Variants in CDK12 observed in about 807,000 individuals in gnomAD.
CDK12 encodes the protein cyclin dependent kinase 12.
A neutral mutation model predicts 133.8 loss-of-function variants in CDK12; 17 were observed. The observed-to-expected ratio is 0.13, with a 90% CI of 0.09 to 0.19. The LOEUF is 0.19. Among genes scored for constraint, CDK12 ranks in the 10% least tolerant of loss-of-function variants. The probability of loss-of-function intolerance (pLI) is 1.00; values close to 1 mark genes in which losing one functional copy is unlikely to be tolerated. For missense variants in CDK12, 1,508 were observed against 1,818.7 expected (o/e 0.83, Z 3.11); for synonymous variants, 694 against 683.6 (o/e 1.02, Z -0.24).
At chr17:39,485,476 C>T (rs2051049543) in intron 2 of CDK12, among the ~76,000 whole-genome samples, 1 of 135,744 alleles carries the variant, frequency 7.4e-6, no homozygotes, top group Non-Finnish European at 1.5e-5. Flanking sequence ...TGCAGTGGCT[C>T]AATCTCAGCT....
chr17:39,514,012 A>G (rs1313322998), intron 8 of CDK12, among the ~76,000 whole-genome samples: 1 of 152,116 alleles, frequency 6.6e-6, no homozygotes, highest in Non-Finnish European at 1.5e-5. Context: ...ACAACATTGC[A>G]CTTAGAACTT....
chr17:39,562,902 C>CTTTTT (rs59852699), intron 3 of CDK12, among the ~76,000 whole-genome samples: 13 of 92,374 alleles, frequency 1.4e-4, no homozygotes, highest in East Asian at 6.5e-4. Context: ...TTTTTCTTTT[C>CTTTTT]TTTTTTTTTT....
chr17:39,530,457 A>G, intron 13 of CDK12, 147 bp from the exon 14 acceptor site: 1 of 1,169,664 alleles, frequency 8.5e-7, no homozygotes, highest in Non-Finnish European at 1.2e-6. Context: ...TTTATTTATA[A>G]TTGCAATTTT....
chr17:39,462,605 G>A lies in CDK12; in HGVS notation c.534G>A (p.Lys178=), dbSNP rs1597893938. ...KSSSKESRSS[K]LHKEKTRKER... Reference sequence around the variant, plus strand: ...GCAGCAAGGAATCCAGGTCATCCAAGCTCCACAAGGAGAAGACCAGGAAAG... The same window carrying A: ...GCAGCAAGGAATCCAGGTCATCCAAACTCCACAAGGAGAAGACCAGGAAAG... The change falls in exon 1 of 14, where the codon AAG becomes AAA. Residue 178 remains lysine (K), a synonymous_variant. Transcript: ENST00000447079. 1 of 1,614,116 alleles carries A rather than the reference G, an allele frequency of 6.2e-7. No individual in the cohort carries two copies. The highest frequency in any genetic ancestry group is 1.1e-5 in the South Asian group (1 of 91,082).
intron 3 of CDK12, chr17:39,564,625 T>C (rs1005820433): frequency 6.6e-6 from 1 of 152,236 alleles, no homozygotes; most frequent in African/African-American, 2.4e-5. Flanking sequence ...TAGAGACCTG[T>C]TGCTTAGCAA....
chr17:39,564,752 T>A (rs959142890), intron 3 of CDK12: 13 of 152,208 alleles, frequency 8.5e-5, no homozygotes, highest in Non-Finnish European at 1.6e-4. Flanking sequence ...TGTCTTGGGT[T>A]CCCTTAGCAC....
intron 10 of CDK12, 152 bp from the exon 11 acceptor site, chr17:39,519,804 C>T (rs2054056308): frequency 1.5e-6 from 1 of 660,574 alleles, no homozygotes; most frequent in Non-Finnish European, 2.6e-6. Flanking sequence ...AGTATGTTGC[C>T]CAGGTTGATC....
chr17:39,561,113 G>A (rs2056358013), intron 3 of CDK12, among the ~76,000 whole-genome samples: 1 of 152,210 alleles, frequency 6.6e-6, no homozygotes, highest in Non-Finnish European at 1.5e-5. Context: ...AGTGAATGGT[G>A]CGCCTGAGCA....
intron 2 of CDK12, among the ~76,000 whole-genome samples, chr17:39,551,521 T>G (rs763814532): frequency 3.3e-5 from 5 of 152,152 alleles, no homozygotes; most frequent in Non-Finnish European, 5.9e-5. Context: ...CATATTTCCC[T>G]GCTGCAATAT....
At position 39,462,981 on chromosome 17, in the gene CDK12, C is replaced by A. The variant is rs1597895426; in HGVS notation, c.910C>A (p.Pro304Thr). The change falls in exon 1 of 14, where the codon CCC becomes ACC. Residue 304 changes from proline (P) to threonine (T), a missense_variant. Physicochemically the swap from Pro to Thr is conservative, Grantham distance 38. Coordinates refer to ENST00000447079, the MANE Select transcript of CDK12 (RefSeq NM_016507.4). The stretch of plus-strand genomic sequence containing the variant: ...CAGTAGGCGACAGAGATCTGTCAGT[C>A]CCTATAGCAGGAGACGGTCGTCCAG... ...PYSRRQRSVS[P>T]YSRRRSSSYE... 1 of 1,614,172 alleles carries A rather than the reference C, an allele frequency of 6.2e-7. No homozygotes were observed. Among genetic ancestry groups the A allele is most frequent in the South Asian group, 1.1e-5 (1 of 91,068 alleles).
At chr17:39,534,925 C>T (rs757004734), downstream of CDK12, 1 of 152,284 alleles carries the variant, frequency 6.6e-6, no homozygotes, top group Non-Finnish European at 1.5e-5. Context: ...TGTTTAGACC[C>T]AAAGGATAGT....
rs776908131 is a variant in CDK12 at position 39,471,440 on chromosome 17, A to T, written c.1608A>T (p.Pro536=). The T allele has an allele frequency of 7.8e-7, 1 of 1,281,652 alleles. No individual in the cohort carries two copies. Among genetic ancestry groups the T allele is most frequent in the Non-Finnish European group, 1.0e-6 (1 of 964,482 alleles). The allele number at this position is 1,281,652 out of a possible 1,614,324, so 79.4% of individuals were successfully genotyped here. A position where few individuals can be genotyped will look rare whatever the true frequency, so the allele number is the denominator to read the frequency against. ...CTCTTCCCACAATTGCTTCTCCCCC[A>T]CCCCCTCTACCAACTACTACCCCTC... ...PPPLPTIASP[P]PPLPTTTPPP... Residue 536 remains proline (P), a synonymous_variant, in exon 2 of 14, where the codon CCA becomes CCT. Transcript: ENST00000447079.
Position 39,531,909 on chromosome 17 carries a change from T to C in CDK12, c.*593T>C. The C allele has an allele frequency of 4.3e-6, 1 of 233,902 alleles. No homozygotes were observed. The highest frequency in any genetic ancestry group is 8.5e-6 in the Non-Finnish European group (1 of 118,084). The allele number at this position is 233,902 out of a possible 1,614,324, so 14.5% of individuals were successfully genotyped here. Reference sequence around the variant, plus strand: ...ATTTTGCTTTTAAGTGAACACTTTTTCCCCATTGAGCATCTTGAACATACT... The same window carrying C: ...ATTTTGCTTTTAAGTGAACACTTTTCCCCCATTGAGCATCTTGAACATACT... On this transcript the variant is annotated 3_prime_UTR_variant, in exon 14 of 14. Coordinates refer to ENST00000447079, the MANE Select transcript of CDK12 (RefSeq NM_016507.4).
intron 11 of CDK12, among the ~76,000 whole-genome samples, chr17:39,524,458 A>G (rs1035045536): frequency 3.9e-5 from 6 of 152,190 alleles, no homozygotes; most frequent in South Asian, 2.1e-4. Context: ...CTTTCTCACT[A>G]TGTAACTTTC....
intron 1 of CDK12, among the ~76,000 whole-genome samples, chr17:39,468,734 GA>G (rs1266993114): frequency 2.0e-5 from 3 of 151,704 alleles, no homozygotes; most frequent in Non-Finnish European, 2.9e-5. Flanking sequence ...CTCAGCCTCC[GA>G]AAGTGTTGGG....
chr17:39,518,154 T>C (rs1311035226), intron 10 of CDK12, among the ~76,000 whole-genome samples: 1 of 152,052 alleles, frequency 6.6e-6, no homozygotes, highest in African/African-American at 2.4e-5. Flanking sequence ...AATTTTTGTA[T>C]TTTTAGTAGA....
intron 2 of CDK12, among the ~76,000 whole-genome samples, chr17:39,554,124 A>C (rs745937730): frequency 6.6e-6 from 1 of 152,176 alleles, no homozygotes; most frequent in Non-Finnish European, 1.5e-5. Context: ...GGCACTTTCC[A>C]GAAGAGGGGT....
chr17:39,492,631 G>A (rs529479261), intron 3 of CDK12, 120 bp from the exon 4 acceptor site: 61 of 578,186 alleles, frequency 1.1e-4, no homozygotes, highest in Non-Finnish European at 1.6e-4. Context: ...GGATAGTCTC[G>A]ATCTCCTGAC....
chr17:39,498,788 A>G lies in CDK12; in HGVS notation c.2420-2462A>G, dbSNP rs138149642. On this transcript the variant is annotated intron_variant, in intron 5 of 13. Transcript: ENST00000447079. ...AATCCTCTCACCTCAGCCCCTCACA[A>G]TGTGGGGATTACAGGCATGAGCCAC... Among the ~76,000 whole-genome samples, 437 of 151,406 alleles carry G rather than the reference A, an allele frequency of 2.9e-3. 2 individuals are homozygous for G. The highest frequency in any genetic ancestry group is 0.01 in the African/African-American group (420 of 41,252).
Sources: gnomAD v4.1 joint callset for allele counts (sites outside exome capture counted in the v4.1 genomes callset) on GRCh38, gnomAD v4.1.1 for gene constraint, MANE v1.5 for transcripts, NCBI Gene and HGNC (gene_info 2026-07-23, HGNC 2026-07-21) for gene names.